The following EHBP1L1 variants were observed in gnomAD, a reference collection of about 807,000 sequenced individuals.
EHBP1L1 encodes the protein EH domain binding protein 1 like 1.
EHBP1L1 carries 122 observed loss-of-function variants against 151.1 expected under a neutral mutation model. The observed-to-expected ratio is 0.81, with a 90% CI of 0.70 to 0.94. EHBP1L1 has a LOEUF of 0.94. Among genes scored for constraint, EHBP1L1 ranks in the 40% least tolerant of loss-of-function variants. The pLI is 0.00. For missense variants in EHBP1L1, 1,941 were observed against 1,959.8 expected (o/e 0.99, Z 0.18); for synonymous variants, 878 against 810.1 (o/e 1.08, Z -1.42).
At chr11:65,589,901 G>A (rs1858170840) in intron 13 of EHBP1L1, 35 bp from the exon 14 acceptor site, 1 of 1,535,150 alleles carries the variant, frequency 6.5e-7, no homozygotes, top group Non-Finnish European at 8.8e-7. Context: ...GTGGGTGGTG[G>A]TTAGGGGGTG....
chr11:65,589,634 CG>C, intron 12 of EHBP1L1, 116 bp from the exon 13 acceptor site: 1 of 1,404,784 alleles, frequency 7.1e-7, no homozygotes, highest in East Asian at 2.6e-5. Flanking sequence ...GGGGCAGGGG[CG>C]GGCAGGAGCT....
At chr11:65,588,423 C>T (rs554824515) in intron 12 of EHBP1L1, among the ~76,000 whole-genome samples, 3 of 152,096 alleles carry the variant, frequency 2.0e-5, no homozygotes, top group African/African-American at 4.8e-5. Context: ...ACAGTTACAC[C>T]GGGGGTGAAG....
intron 6 of EHBP1L1, among the ~76,000 whole-genome samples, 188 bp downstream of exon 6, chr11:65,580,667 C>T (rs1857553943): frequency 6.6e-6 from 1 of 152,194 alleles, no homozygotes; most frequent in Non-Finnish European, 1.5e-5. Context: ...TGGTCTTCAG[C>T]TGAGTCCTGG....
intron 15 of EHBP1L1, 38 bp downstream of exon 15, chr11:65,590,248 G>A (rs1198481611): frequency 1.2e-6 from 2 of 1,608,592 alleles, no homozygotes; most frequent in Non-Finnish European, 1.7e-6. Context: ...CCCAACACAT[G>A]CCACTAGGTC....
chr11:65,587,550 G>A (rs982978981), intron 12 of EHBP1L1, among the ~76,000 whole-genome samples: 1 of 152,234 alleles, frequency 6.6e-6, no homozygotes, highest in African/African-American at 2.4e-5. Context: ...CTCTTAGGGT[G>A]TGTATGAAAG....
intron 3 of EHBP1L1, 82 bp downstream of exon 3, chr11:65,579,518 T>C: frequency 8.6e-7 from 1 of 1,164,318 alleles, no homozygotes; most frequent in Non-Finnish European, 1.2e-6. Context: ...CCTGGTAGGT[T>C]GTTCATCCAG....
At chr11:65,591,429 C>G (rs551351683) in intron 16 of EHBP1L1, 26 of 378,502 alleles carry the variant, frequency 6.9e-5, no homozygotes, top group African/African-American at 5.2e-4. Context: ...CGAAGCCACT[C>G]TGCGGCCATT....
intron 9 of EHBP1L1, 95 bp from the exon 10 acceptor site, chr11:65,584,146 G>A (rs769544769): frequency 5.6e-5 from 86 of 1,529,964 alleles, no homozygotes; most frequent in Non-Finnish European, 7.1e-5. Flanking sequence ...CAAGCTCAGA[G>A]ATGGGGCTGT....
chr11:65,585,101 T>C lies in EHBP1L1; in HGVS notation c.3443T>C (p.Leu1148Pro). 6.6e-7 allele frequency: 1 copy of C among 1,524,760 alleles called. No homozygotes were observed. The highest frequency in any genetic ancestry group is 8.7e-7 in the Non-Finnish European group (1 of 1,144,828). 94.5% of individuals were successfully genotyped at this position (1,524,760 alleles called of 1,614,324 possible). A position where few individuals can be genotyped will look rare whatever the true frequency, so the allele number is the denominator to read the frequency against. Residue 1148 changes from leucine to proline, a missense_variant, in exon 12 of 19, where the codon CTG (leucine) becomes CCG (proline). By Grantham distance (98) the Leu-to-Pro change is moderately conservative. Transcript: ENST00000309295. The surrounding 1 kb of genome is among the most constrained non-coding windows in gnomAD (Gnocchi z 4.0). ...RAFCTGQELQ[L>P]VQLEGGGGAG... is the part of the protein sequence containing the mutation. ...TTCTGCACCGGGCAGGAGCTGCAGC[T>C]GGTACAACTGGAGGGCGGCGGCGGC...
chr11:65,580,589 C>T, intron 6 of EHBP1L1, 110 bp downstream of exon 6: 1 of 1,402,708 alleles, frequency 7.1e-7, no homozygotes, highest in Non-Finnish European at 9.6e-7. Context: ...CTCATTACTG[C>T]CCAGGCAGTC....
At chr11:65,580,942 C>G (rs1435633061) in intron 6 of EHBP1L1, 116 bp from the exon 7 acceptor site, 1 of 1,463,500 alleles carries the variant, frequency 6.8e-7, no homozygotes, top group Non-Finnish European at 9.0e-7. Flanking sequence ...GGGCGGTGCC[C>G]TGAGGCCAGG....
At chr11:65,589,590 G>A (rs972963629) in intron 12 of EHBP1L1, among the ~76,000 whole-genome samples, 161 bp from the exon 13 acceptor site, 9 of 152,210 alleles carry the variant, frequency 5.9e-5, no homozygotes, top group African/African-American at 2.2e-4. Context: ...GAAGGAGGTG[G>A]GCCCGGGGGT....
Position 65,590,070 on chromosome 11 carries a change from G to A in EHBP1L1, c.4060-17G>A, listed in dbSNP as rs1426508643. 1 of 1,613,784 alleles carries A rather than the reference G, an allele frequency of 6.2e-7. No individual in the cohort carries two copies. The highest frequency in any genetic ancestry group is 1.1e-5 in the South Asian group (1 of 91,048). On this transcript the variant is annotated splice_polypyrimidine_tract_variant and intron_variant, in intron 14 of 18. Coordinates refer to ENST00000309295, the MANE Select transcript of EHBP1L1 (RefSeq NM_001099409.3). The stretch of plus-strand genomic sequence containing the variant: ...CTGGGCTGAGTCCACCCTGTTCTCT[G>A]CCTTTTCCACCCCCAGCAACGGTTC...
rs1857629827 is a variant in EHBP1L1, at chr11:65,581,880, C to CA, written c.1211dup (p.Asn404LysfsTer3). Reference sequence around the variant, plus strand: ...GAGCCAAGGTCAGGAGGCAGAGAGGCAAACACTAAGAGGTCAGGAGTCAGA... The same window carrying CA: ...GAGCCAAGGTCAGGAGGCAGAGAGGCAAAACACTAAGAGGTCAGGAGTCAGA... On this transcript the variant is annotated frameshift_variant, in exon 9 of 19. Transcript: ENST00000309295. LOFTEE classifies it high-confidence loss of function. 1 of 1,613,474 alleles carries CA rather than the reference C, an allele frequency of 6.2e-7. No homozygotes were observed. The highest frequency in any genetic ancestry group is 1.3e-5 in the African/African-American group (1 of 74,924).
rs1290419458 is a variant in EHBP1L1, at chr11:65,581,946, A to T, written c.1274A>T (p.Asp425Val). The change falls in exon 9 of 19, where the codon GAT becomes GTT. Residue 425 changes from aspartate to valine, a missense_variant. Asp to Val is a radical substitution (Grantham distance 152). Transcript: ENST00000309295. Reference protein sequence around the residue: ...AEESSAVCQVDAEQRSKVRHV... With the variant: ...AEESSAVCQVVAEQRSKVRHV... ...GAGAGTTCAGCAGTTTGTCAAGTGG[A>T]TGCTGAGCAGAGGTCAAAGGTGAGA... is the stretch of plus-strand genomic sequence containing the variant. The T allele has an allele frequency of 6.2e-7, 1 of 1,613,818 alleles. No individual in the cohort carries two copies. Among genetic ancestry groups the T allele is most frequent in the Admixed American group, 1.7e-5 (1 of 60,012 alleles).
chr11:65,591,830 C>T lies in EHBP1L1; in HGVS notation c.4314C>T (p.Phe1438=), dbSNP rs929367795. The T allele has an allele frequency of 2.3e-6, 3 of 1,299,858 alleles. No individual in the cohort carries two copies. Among genetic ancestry groups the T allele is most frequent in the South Asian group, 1.2e-5 (1 of 80,986 alleles). The allele number at this position is 1,299,858 out of a possible 1,614,324, so 80.5% of individuals were successfully genotyped here. ...AGGAGCAGGACTTGGAGCGAAGGTT[C>T]GAGCTGCTGAGCCGCGAGCTGCGGG... ...LMEEQDLERR[F]ELLSRELRAM... The change falls in exon 17 of 19, where the codon TTC becomes TTT. Residue 1438 remains phenylalanine (F), a synonymous_variant. Transcript: ENST00000309295.
rs1488412808 is a variant in EHBP1L1, at chr11:65,580,418, T to C, written c.573T>C (p.Ser191=). ...DVGNLDDFAE[S]DEDEAHGPGA... ...GCAACTTGGATGACTTTGCTGAGAG[T>C]GATGAAGATGAGGCTCATGGCCCAG... The change falls in exon 6 of 19, where the codon AGT becomes AGC. Residue 191 remains serine, a synonymous_variant. Coordinates refer to ENST00000309295, the MANE Select transcript of EHBP1L1 (RefSeq NM_001099409.3). The C allele has an allele frequency of 1.2e-6, 2 of 1,613,202 alleles. No individual in the cohort carries two copies. Among genetic ancestry groups the C allele is most frequent in the Admixed American group, 3.3e-5 (2 of 59,988 alleles).
intron 9 of EHBP1L1, 144 bp downstream of exon 9, chr11:65,583,909 TC>T: frequency 7.1e-7 from 1 of 1,417,146 alleles, no homozygotes; most frequent in South Asian, 1.6e-5. Flanking sequence ...CCTCATCCCC[TC>T]CTCTCTCAGG....
Position 65,584,449 on chromosome 11 carries a change from G to T in EHBP1L1, c.3252-37G>T, listed in dbSNP as rs749768427. 9 of 1,613,586 alleles carry T rather than the reference G, an allele frequency of 5.6e-6. No homozygotes were observed. The Middle Eastern group carries it at 8.2e-4, about 148-fold the overall frequency. On this transcript the variant is annotated intron_variant, in intron 10 of 18. Transcript: ENST00000309295. ...AATGGGGGAGCCATCAGGGAGGGCAGTGTGGACCCAGCCTCTGACCAGCAC... is the reference window on the plus strand; with the variant it reads ...AATGGGGGAGCCATCAGGGAGGGCATTGTGGACCCAGCCTCTGACCAGCAC...
Sources: allele counts gnomAD v4.1 joint callset (sites outside exome capture counted in the v4.1 genomes callset), GRCh38; gene constraint gnomAD v4.1.1; non-coding constraint Gnocchi (gnomAD v3.1); transcripts MANE v1.5; gene names NCBI Gene and HGNC (gene_info 2026-07-23, HGNC 2026-07-21).